LRRC4C: variants seen among roughly 807,000 people sequenced by gnomAD.
LRRC4C encodes the protein leucine-rich repeat-containing protein 4C.
LRRC4C carries 5 observed loss-of-function variants against 33.6 expected under a neutral mutation model. The ratio of observed to expected loss-of-function variants is 0.15; its 90% CI spans 0.08 to 0.31. LRRC4C has a LOEUF of 0.31. Among genes scored for constraint, LRRC4C ranks in the 10% least tolerant of loss-of-function variants. The pLI is 1.00. For synonymous variants in LRRC4C, 329 were observed against 302.0 expected (o/e 1.09, Z -0.93); for missense variants, 560 against 796.7 (o/e 0.70, Z 3.58).
At chr11:40,302,250 G>A (rs1373102040) in intron 4 of LRRC4C, among the ~76,000 whole-genome samples, 1 of 152,094 alleles carries the variant, frequency 6.6e-6, no homozygotes, top group Non-Finnish European at 1.5e-5. Context: ...ATCTTGAAAA[G>A]GATTTCTAGT....
chr11:41,297,890 A>T (rs1591190707), intron 1 of LRRC4C, among the ~76,000 whole-genome samples: 1 of 152,172 alleles, frequency 6.6e-6, no homozygotes, highest in South Asian at 2.1e-4. Context: ...CAAAGCTTTT[A>T]TATTTCACTA....
intron 1 of LRRC4C, among the ~76,000 whole-genome samples, chr11:41,172,890 G>A (rs1027799368): frequency 2.0e-5 from 3 of 152,056 alleles, no homozygotes; most frequent in African/African-American, 4.8e-5. Flanking sequence ...AGAAATGGAA[G>A]GGGCCTTAGA....
chr11:40,508,432 G>A (rs1447291043), intron 3 of LRRC4C, among the ~76,000 whole-genome samples: 1 of 152,056 alleles, frequency 6.6e-6, no homozygotes, highest in African/African-American at 2.4e-5. Context: ...ATGTAGTACA[G>A]TGTAATGCTA....
intron 1 of LRRC4C, among the ~76,000 whole-genome samples, chr11:41,039,191 TG>T (rs1161761849): frequency 1.3e-5 from 2 of 152,216 alleles, no homozygotes; most frequent in East Asian, 3.8e-4. Flanking sequence ...ATAACCTTAC[TG>T]CATGCCAGGT....
intron 3 of LRRC4C, among the ~76,000 whole-genome samples, chr11:40,382,675 C>CA (rs35522981): frequency 0.39 from 54,805 of 140,406 alleles, 10,915 homozygotes; most frequent in East Asian, 0.49. Context: ...ACAACTAAAA[C>CA]TTGTACTCAT....
chr11:40,338,099 T>G (rs1258500502), intron 3 of LRRC4C, among the ~76,000 whole-genome samples: 1 of 152,204 alleles, frequency 6.6e-6, no homozygotes, highest in Non-Finnish European at 1.5e-5. Context: ...GATCGATACT[T>G]TCTAAAATGC....
At chr11:41,154,059 T>C (rs886236989) in intron 1 of LRRC4C, among the ~76,000 whole-genome samples, 7 of 152,154 alleles carry the variant, frequency 4.6e-5, no homozygotes, top group African/African-American at 1.4e-4. Context: ...TGTAGCCCTG[T>C]CAATACTTTC....
intron 2 of LRRC4C, among the ~76,000 whole-genome samples, chr11:40,668,990 C>G (rs945540135): frequency 6.6e-6 from 1 of 152,170 alleles, no homozygotes; most frequent in Non-Finnish European, 1.5e-5. Flanking sequence ...CTCTATAGCC[C>G]AGGTTCAAAT....
intron 3 of LRRC4C, among the ~76,000 whole-genome samples, chr11:40,625,687 T>A (rs1962862950): frequency 6.6e-6 from 1 of 152,166 alleles, no homozygotes; most frequent in Non-Finnish European, 1.5e-5. Flanking sequence ...CTTACTGTTA[T>A]AAAATTTCTC....
chr11:40,712,685 T>C (rs1358533923), intron 2 of LRRC4C, among the ~76,000 whole-genome samples: 1 of 152,130 alleles, frequency 6.6e-6, no homozygotes, highest in Non-Finnish European at 1.5e-5. Flanking sequence ...AAGGGTAAGA[T>C]ACTGTCTCAG....
At chr11:41,047,265 T>C (rs1857839793) in intron 1 of LRRC4C, among the ~76,000 whole-genome samples, 2 of 152,148 alleles carry the variant, frequency 1.3e-5, no homozygotes, top group South Asian at 4.1e-4. Flanking sequence ...AACATCATTA[T>C]TCATTAGAAA....
At chr11:41,041,595 C>T (rs1857444043) in intron 1 of LRRC4C, among the ~76,000 whole-genome samples, 1 of 152,110 alleles carries the variant, frequency 6.6e-6, no homozygotes, top group Admixed American at 6.5e-5. Context: ...AAGTTACCAT[C>T]AATAAGTGGT....
intron 3 of LRRC4C, among the ~76,000 whole-genome samples, chr11:40,604,722 G>A (rs7942736): frequency 6.6e-6 from 1 of 151,482 alleles, no homozygotes; most frequent in Admixed American, 6.6e-5. Context: ...GCTTGACTTC[G>A]AAAAGAATCT....
chr11:40,521,094 G>T (rs1955792573), intron 3 of LRRC4C, among the ~76,000 whole-genome samples: 1 of 152,232 alleles, frequency 6.6e-6, no homozygotes, highest in East Asian at 1.9e-4. Context: ...AAATGTAGGA[G>T]AAATTATTTT....
At chr11:40,946,540 A>G (rs1463869324) in intron 1 of LRRC4C, among the ~76,000 whole-genome samples, 1 of 152,188 alleles carries the variant, frequency 6.6e-6, no homozygotes, top group African/African-American at 2.4e-5. Context: ...GAACTAATTT[A>G]CATTACCACT....
At chr11:41,100,820 C>T (rs1392983735) in intron 1 of LRRC4C, among the ~76,000 whole-genome samples, 2 of 152,066 alleles carry the variant, frequency 1.3e-5, no homozygotes, top group Non-Finnish European at 1.5e-5. Flanking sequence ...ACCAAAACAG[C>T]ATGGTACTGG....
At chr11:41,131,465 A>G (rs758839330) in intron 1 of LRRC4C, among the ~76,000 whole-genome samples, 12 of 152,178 alleles carry the variant, frequency 7.9e-5, no homozygotes, top group Non-Finnish European at 1.6e-4. Context: ...TGGATTTTGT[A>G]TGATATTTTG....
intron 1 of LRRC4C, among the ~76,000 whole-genome samples, chr11:41,317,601 A>G (rs1950834090): frequency 1.3e-5 from 2 of 152,122 alleles, no homozygotes; most frequent in East Asian, 3.9e-4. Flanking sequence ...TAGTTAAACT[A>G]GTCCATTTAT....
intron 1 of LRRC4C, among the ~76,000 whole-genome samples, chr11:41,265,896 T>C (rs1949135452): frequency 6.6e-6 from 1 of 151,884 alleles, no homozygotes; most frequent in South Asian, 2.1e-4. Context: ...AAATAATAAT[T>C]ACATTCTTTA....
Sources: allele counts gnomAD v4.1 joint callset (sites outside exome capture counted in the v4.1 genomes callset), GRCh38; gene constraint gnomAD v4.1.1; transcripts MANE v1.5; gene names NCBI Gene and HGNC (gene_info 2026-07-23, HGNC 2026-07-21).